The following PSD3 variants were observed in gnomAD, a reference collection of about 807,000 sequenced individuals.
The protein encoded by PSD3 is PH and SEC7 domain-containing protein 3.
Under a neutral mutation model 105.5 loss-of-function variants are expected in PSD3, and 49 were observed. That is an observed-to-expected ratio of 0.46 (90% confidence interval 0.37 to 0.59). PSD3 has a LOEUF of 0.59. Among genes scored for constraint, PSD3 ranks in the 20% least tolerant of loss-of-function variants. The probability of loss-of-function intolerance (pLI) is 0.00; values close to 1 mark genes in which losing one functional copy is unlikely to be tolerated. For synonymous variants in PSD3, 557 were observed against 457.8 expected (o/e 1.22, Z -2.77); for missense variants, 1,561 against 1,263.8 (o/e 1.24, Z -3.57).
At position 18,998,927 on chromosome 8, in the gene PSD3, C is replaced by T. The variant is rs142751818; in HGVS notation, c.21+14636G>A. 4.5e-4 allele frequency among the ~76,000 whole-genome samples: 69 copies of T among 152,078 alleles called. 1 individual carries two copies. The East Asian group carries it at 0.013, about 28-fold the overall frequency. ...GTTTTTGTTATACTTTAGTAACTCA[C>T]TCACTCTGTAGATGGACATGGTGGG... On this transcript the variant is annotated intron_variant, in intron 1 of 15. Transcript: ENST00000327040.
At chr8:18,795,643 C>T (rs1053574710) in intron 8 of PSD3, among the ~76,000 whole-genome samples, 3 of 152,172 alleles carry the variant, frequency 2.0e-5, no homozygotes, top group African/African-American at 7.2e-5. Flanking sequence ...CTATACTTAA[C>T]CCTCCTACCA....
At chr8:18,742,035 A>G (rs191895632) in intron 9 of PSD3, among the ~76,000 whole-genome samples, 8 of 152,266 alleles carry the variant, frequency 5.3e-5, no homozygotes, top group African/African-American at 1.9e-4. Flanking sequence ...TGAGGAAAAT[A>G]ATGCTTTCGA....
intron 14 of PSD3, among the ~76,000 whole-genome samples, chr8:18,559,524 T>C (rs1801269032): frequency 6.6e-6 from 1 of 152,154 alleles, no homozygotes; most frequent in Non-Finnish European, 1.5e-5. Flanking sequence ...TTTCTATTTG[T>C]GGTTAGGAAA....
intron 1 of PSD3, among the ~76,000 whole-genome samples, chr8:19,025,962 C>T (rs1586642084): frequency 6.6e-6 from 1 of 152,278 alleles, no homozygotes; most frequent in Admixed American, 6.5e-5. Context: ...CACAGTTCCA[C>T]GTGGCTGGGG....
chr8:18,605,144 G>C (rs1165836214), intron 11 of PSD3, among the ~76,000 whole-genome samples: 1 of 152,144 alleles, frequency 6.6e-6, no homozygotes, highest in African/African-American at 2.4e-5. Flanking sequence ...CTGACAGCTT[G>C]CACCATATAT....
At chr8:18,895,069 C>A (rs1819054571) in intron 2 of PSD3, among the ~76,000 whole-genome samples, 1 of 152,302 alleles carries the variant, frequency 6.6e-6, no homozygotes, top group South Asian at 2.1e-4. Context: ...CAACGGAAAA[C>A]AGGAATCCTG....
chr8:18,958,396 T>C (rs1170025316), intron 1 of PSD3, among the ~76,000 whole-genome samples: 1 of 152,222 alleles, frequency 6.6e-6, no homozygotes, highest in East Asian at 1.9e-4. Flanking sequence ...CATACACATG[T>C]ATTACTATTT....
At chr8:18,808,797 G>C (rs758926800) in intron 4 of PSD3, 1 of 1,613,902 alleles carries the variant, frequency 6.2e-7, no homozygotes, top group Admixed American at 1.7e-5. Flanking sequence ...CGCAACCCCT[G>C]GGGTGCGCCT....
At chr8:18,702,160 C>A (rs1016283166) in intron 9 of PSD3, among the ~76,000 whole-genome samples, 7 of 152,180 alleles carry the variant, frequency 4.6e-5, no homozygotes, top group African/African-American at 1.7e-4. Context: ...TAGAGGAAGG[C>A]TGAAATAATC....
chr8:18,609,452 C>T (rs1252667119), intron 11 of PSD3, among the ~76,000 whole-genome samples: 1 of 152,224 alleles, frequency 6.6e-6, no homozygotes, highest in East Asian at 1.9e-4. Context: ...CAAAGATATA[C>T]TTAGCAGAAG....
intron 9 of PSD3, among the ~76,000 whole-genome samples, chr8:18,691,806 T>TAAAA (rs1309539147): frequency 1.2e-4 from 18 of 152,182 alleles, no homozygotes; most frequent in African/African-American, 3.4e-4. Context: ...ATCCCTGCCC[T>TAAAA]TGTGCTTCAC....
At chr8:18,828,530 G>A (rs1813413457) in intron 4 of PSD3, among the ~76,000 whole-genome samples, 1 of 152,102 alleles carries the variant, frequency 6.6e-6, no homozygotes, top group Non-Finnish European at 1.5e-5. Flanking sequence ...GCCAGGCATG[G>A]TGGCTCATGT....
chr8:18,799,162 T>C, intron 8 of PSD3, 133 bp downstream of exon 8: 1 of 764,546 alleles, frequency 1.3e-6, no homozygotes, highest in South Asian at 1.5e-5. Context: ...TTCAAAGATT[T>C]CTTTTTATTC....
chr8:18,616,689 T>A (rs1170635978), intron 11 of PSD3, among the ~76,000 whole-genome samples: 1 of 139,622 alleles, frequency 7.2e-6, no homozygotes, highest in Non-Finnish European at 1.5e-5. Context: ...AGTGGCGGGA[T>A]CTCGGCTCAC....
At chr8:19,056,681 G>C (rs1282627886) in intron 1 of PSD3, among the ~76,000 whole-genome samples, 1 of 152,142 alleles carries the variant, frequency 6.6e-6, no homozygotes, top group Admixed American at 6.5e-5. Context: ...TGGTTTTCTA[G>C]GTTCCACATT....
At chr8:19,074,327 A>C (rs1279271600) in intron 1 of PSD3, among the ~76,000 whole-genome samples, 5 of 151,986 alleles carry the variant, frequency 3.3e-5, no homozygotes, top group Non-Finnish European at 7.4e-5. Flanking sequence ...GGCACCTGGG[A>C]AGGGAAATCT....
At chr8:19,053,103 T>A (rs1433689010) in intron 1 of PSD3, among the ~76,000 whole-genome samples, 1 of 152,126 alleles carries the variant, frequency 6.6e-6, no homozygotes, top group Non-Finnish European at 1.5e-5. Flanking sequence ...ACAAGGTGAC[T>A]TACTGGGCAG....
Position 18,767,061 on chromosome 8 carries a change from G to A in PSD3, c.2083-1523C>T, listed in dbSNP as rs182189410. ...TCTTGAAAAGACAGAAAAGAACAAA[G>A]GCAGTCACAGCCTCTGTTCGCAAAA... On this transcript the variant is annotated intron_variant, in intron 8 of 15. Coordinates refer to ENST00000327040, the MANE Select transcript of PSD3 (RefSeq NM_015310.4). 3.4e-4 allele frequency among the ~76,000 whole-genome samples: 51 copies of A among 152,238 alleles called. 3 individuals carry two copies. The East Asian group carries it at 9.7e-3, about 29-fold the overall frequency.
chr8:18,605,377 T>C (rs1263962108), intron 11 of PSD3, among the ~76,000 whole-genome samples: 2 of 11,462 alleles, frequency 1.7e-4, no homozygotes, highest in Non-Finnish European at 4.5e-4. Flanking sequence ...CTGTAGCCCC[T>C]TTTTTTTGGT....
Sources: allele counts gnomAD v4.1 joint callset (sites outside exome capture counted in the v4.1 genomes callset), GRCh38; gene constraint gnomAD v4.1.1; transcripts MANE v1.5; gene names NCBI Gene and HGNC (gene_info 2026-07-23, HGNC 2026-07-21).